The following ACVR1 variants were observed in gnomAD, a reference collection of about 807,000 sequenced individuals.
The protein encoded by ACVR1 is activin A receptor type 1, also known as activin receptor type-1.
Under a neutral mutation model 57.1 loss-of-function variants are expected in ACVR1, and 38 were observed. The ratio of observed to expected loss-of-function variants is 0.67; its 90% CI spans 0.51 to 0.87. The LOEUF is 0.87. Ranked by LOEUF, ACVR1 falls within the 40% of genes least tolerant of loss-of-function variation. The pLI is 0.00. For synonymous variants in ACVR1, 212 were observed against 228.1 expected, an observed-to-expected ratio of 0.93 and a Z score of 0.63; for missense variants, 463 against 638.2, an observed-to-expected ratio of 0.73 and a Z score of 2.96.
At chr2:157,786,824 C>T (rs949339452) in intron 3 of ACVR1, among the ~76,000 whole-genome samples, 1 of 152,122 alleles carries the variant, frequency 6.6e-6, no homozygotes, top group Non-Finnish European at 1.5e-5. Context: ...CAGTGCAGGA[C>T]TTGGCTGCCT....
chr2:157,797,353 T>A (rs1687160963), intron 3 of ACVR1, among the ~76,000 whole-genome samples: 1 of 152,196 alleles, frequency 6.6e-6, no homozygotes, highest in Non-Finnish European at 1.5e-5. Context: ...TGGAAACTCA[T>A]CATTTATATA....
intron 1 of ACVR1, among the ~76,000 whole-genome samples, chr2:157,829,977 G>A (rs1688524597): frequency 6.6e-6 from 1 of 152,198 alleles, no homozygotes; most frequent in Non-Finnish European, 1.5e-5. Context: ...CACTCTGTCT[G>A]GGAAGCCAAG....
At chr2:157,774,406 C>T (rs1221705783) in intron 5 of ACVR1, among the ~76,000 whole-genome samples, 1 of 152,036 alleles carries the variant, frequency 6.6e-6, no homozygotes, top group Non-Finnish European at 1.5e-5. Flanking sequence ...CTCTTGTTGC[C>T]CAGGCTGCAG....
intron 1 of ACVR1, among the ~76,000 whole-genome samples, chr2:157,852,277 C>T (rs372524435): frequency 6.6e-6 from 1 of 151,900 alleles, no homozygotes; most frequent in Non-Finnish European, 1.5e-5. Context: ...GCGGGTGGAT[C>T]GCTTGAGCTC....
At chr2:157,866,330 A>G (rs1689933898) in intron 1 of ACVR1, among the ~76,000 whole-genome samples, 1 of 152,122 alleles carries the variant, frequency 6.6e-6, no homozygotes. Context: ...AAACAATAAG[A>G]CTTTTAGGGA....
intron 1 of ACVR1, among the ~76,000 whole-genome samples, chr2:157,854,554 C>G (rs774152618): frequency 7.4e-4 from 113 of 152,058 alleles, no homozygotes; most frequent in Non-Finnish European, 1.2e-3. Flanking sequence ...AACCCCATCT[C>G]TACTAAAAAT....
chr2:157,827,333 C>CA (rs1336033865), intron 1 of ACVR1, among the ~76,000 whole-genome samples: 1 of 150,596 alleles, frequency 6.6e-6, no homozygotes, highest in Non-Finnish European at 1.5e-5. Flanking sequence ...AGGTAACAAG[C>CA]AAAAAAACAA....
At chr2:157,807,755 G>A (rs1181808162) in intron 2 of ACVR1, among the ~76,000 whole-genome samples, 1 of 149,196 alleles carries the variant, frequency 6.7e-6, no homozygotes, top group East Asian at 2.0e-4. Flanking sequence ...TAACAGTGCA[G>A]ACCTTTCTTT....
Position 157,737,127 on chromosome 2 carries a change from A to G in ACVR1, c.*404T>C. 1 of 323,068 alleles carries G rather than the reference A, an allele frequency of 3.1e-6. No individual in the cohort carries two copies. The highest frequency in any genetic ancestry group is 5.8e-6 in the Non-Finnish European group (1 of 173,056). 20.0% of individuals were successfully genotyped at this position (323,068 alleles called of 1,614,324 possible). ...TCCTAGTGCAATAAAGAAGAGAAGCACAGGCAATATTGCTGATTAAAAATT... is the reference window on the plus strand; with the variant it reads ...TCCTAGTGCAATAAAGAAGAGAAGCGCAGGCAATATTGCTGATTAAAAATT... On this transcript the variant is annotated 3_prime_UTR_variant, in exon 11 of 11. Transcript: ENST00000434821.
chr2:157,739,869 G>A (rs1028645781), intron 9 of ACVR1, among the ~76,000 whole-genome samples: 1 of 152,250 alleles, frequency 6.6e-6, no homozygotes, highest in African/African-American at 2.4e-5. Context: ...ATTTGAGATG[G>A]AAACAAGTCT....
At chr2:157,834,690 G>A (rs1416086893) in intron 1 of ACVR1, among the ~76,000 whole-genome samples, 1 of 151,920 alleles carries the variant, frequency 6.6e-6, no homozygotes, top group Non-Finnish European at 1.5e-5. Flanking sequence ...TATAGTATAT[G>A]ACTATATCTA....
At chr2:157,772,586 C>G (rs1333890703) in intron 6 of ACVR1, among the ~76,000 whole-genome samples, 1 of 152,202 alleles carries the variant, frequency 6.6e-6, no homozygotes, top group Non-Finnish European at 1.5e-5. Context: ...GCCATTTGGA[C>G]TCTGGAGCCA....
chr2:157,780,527 G>C lies in ACVR1; in HGVS notation c.141C>G (p.His47Gln), dbSNP rs34056189. The change falls in exon 4 of 11, where the codon CAC becomes CAG. Residue 47 changes from histidine (H) to glutamine (Q), a missense_variant. Physicochemically the swap from His to Gln is conservative, Grantham distance 24. Around this residue, in one of 3 missense-constraint regions of ACVR1, gnomAD observed 203 missense variants for 235.5 expected, o/e 0.86. Coordinates refer to ENST00000434821, the MANE Select transcript of ACVR1 (RefSeq NM_001111067.4). ...AGGAAAAGCACTGCTGGCCTTCACA[G>C]TGGTCCTCATTACCGCAGGAGAGAC... Reference protein sequence around the residue: ...CEGLSCGNEDHCEGQQCFSSL... With the variant: ...CEGLSCGNEDQCEGQQCFSSL... The C allele has an allele frequency of 4.8e-4, 778 of 1,614,004 alleles. 2 individuals carry two copies. Among genetic ancestry groups the C allele is most frequent in the Non-Finnish European group, 6.2e-4 (732 of 1,180,016 alleles).
At chr2:157,874,238 G>A (rs1690203647) in intron 1 of ACVR1, among the ~76,000 whole-genome samples, 1 of 152,098 alleles carries the variant, frequency 6.6e-6, no homozygotes, top group Admixed American at 6.6e-5. Context: ...TCAACTTAAG[G>A]CCTAGATTTC....
intron 3 of ACVR1, among the ~76,000 whole-genome samples, chr2:157,792,082 G>A (rs1686936069): frequency 1.3e-5 from 2 of 151,532 alleles, no homozygotes; most frequent in Non-Finnish European, 2.9e-5. Context: ...ATAAAACGAA[G>A]GAGTCATCCC....
intron 1 of ACVR1, among the ~76,000 whole-genome samples, chr2:157,837,972 T>C (rs1688844107): frequency 6.6e-6 from 1 of 152,202 alleles, no homozygotes; most frequent in Non-Finnish European, 1.5e-5. Context: ...AGGACAGCAT[T>C]GTTTTATTGG....
At chr2:157,773,617 A>G (rs1006530018) in intron 6 of ACVR1, among the ~76,000 whole-genome samples, 3 of 152,254 alleles carry the variant, frequency 2.0e-5, no homozygotes, top group Admixed American at 6.5e-5. Context: ...TATATAGCTC[A>G]TATTTAAATA....
At chr2:157,845,855 C>T (rs1689113099) in intron 1 of ACVR1, among the ~76,000 whole-genome samples, 1 of 152,046 alleles carries the variant, frequency 6.6e-6, no homozygotes, top group South Asian at 2.1e-4. Flanking sequence ...TGGGGAGTCA[C>T]CAAAGATGTT....
intron 1 of ACVR1, among the ~76,000 whole-genome samples, chr2:157,868,341 G>C (rs773986389): frequency 6.6e-6 from 1 of 151,662 alleles, no homozygotes; most frequent in South Asian, 2.1e-4. Context: ...AAAAAAAATA[G>C]CTGGGCATGG....
Sources: gnomAD v4.1 joint callset for allele counts (sites outside exome capture counted in the v4.1 genomes callset) on GRCh38, gnomAD v4.1.1 for gene constraint, gnomAD v4.1.1 regional missense constraint, MANE v1.5 for transcripts, NCBI Gene and HGNC (gene_info 2026-07-23, HGNC 2026-07-21) for gene names.